RAB28: variants seen among roughly 807,000 people sequenced by gnomAD.
RAB28 encodes RAB28, member RAS oncogene family, also known as ras-related protein Rab-28.
RAB28 carries 24 observed loss-of-function variants against 31.7 expected under a neutral mutation model. The observed-to-expected ratio is 0.76, with a 90% CI of 0.55 to 1.06. RAB28 has a LOEUF of 1.06. Ranked by LOEUF, RAB28 falls within the 50% of genes least tolerant of loss-of-function variation. The probability of loss-of-function intolerance (pLI) is 0.00; values close to 1 mark genes in which losing one functional copy is unlikely to be tolerated. For missense variants in RAB28, 254 were observed against 258.5 expected (o/e 0.98, Z 0.12); for synonymous variants, 100 against 90.4 (o/e 1.11, Z -0.60).
chr4:13,472,733 C>A lies in RAB28; in HGVS notation c.261+1585G>T, dbSNP rs370031417. On this transcript the variant is annotated intron_variant, in intron 3 of 6. Coordinates refer to ENST00000330852, the MANE Select transcript of RAB28 (RefSeq NM_001017979.3). ...GAGTGTTATTTTCCCATGTTATCAA[C>A]CACATGAATGAAACAAGAACTGTGG... 2.0e-5 allele frequency among the ~76,000 whole-genome samples: 3 copies of A among 151,850 alleles called. No individual in the cohort carries two copies. In the South Asian group the frequency reaches 6.2e-4, roughly 31 times the overall value.
At chr4:13,444,114 G>A (rs1322910849) in intron 4 of RAB28, among the ~76,000 whole-genome samples, 1 of 150,336 alleles carries the variant, frequency 6.7e-6, no homozygotes, top group Non-Finnish European at 1.5e-5. Context: ...TGCAAGCTCC[G>A]CCTCCCGGGT....
At chr4:13,464,897 A>G (rs573112718) in intron 3 of RAB28, among the ~76,000 whole-genome samples, 1 of 152,222 alleles carries the variant, frequency 6.6e-6, no homozygotes, top group Non-Finnish European at 1.5e-5. Context: ...ACTATGACTA[A>G]TATGTTGAGG....
chr4:13,470,992 G>A (rs894251471), intron 3 of RAB28, among the ~76,000 whole-genome samples: 5 of 152,086 alleles, frequency 3.3e-5, no homozygotes, highest in African/African-American at 9.7e-5. Context: ...CTTCTACGCA[G>A]ATGTTAAGAA....
chr4:13,426,913 C>T (rs572629148), intron 4 of RAB28, among the ~76,000 whole-genome samples: 1 of 152,100 alleles, frequency 6.6e-6, no homozygotes, highest in Non-Finnish European at 1.5e-5. Flanking sequence ...ATAACATGTA[C>T]TTTAGAGGTT....
At chr4:13,410,922 G>A (rs1274191065) in intron 4 of RAB28, among the ~76,000 whole-genome samples, 2 of 152,014 alleles carry the variant, frequency 1.3e-5, no homozygotes, top group South Asian at 2.1e-4. Context: ...AAAAGAAAGG[G>A]AGAAATAATA....
chr4:13,409,022 T>A (rs1002220457), intron 4 of RAB28, among the ~76,000 whole-genome samples: 5 of 152,234 alleles, frequency 3.3e-5, no homozygotes, highest in Non-Finnish European at 5.9e-5. Flanking sequence ...TAAAATTTAA[T>A]ATTTTGGGAC....
At chr4:13,425,524 C>T (rs932736725) in intron 4 of RAB28, among the ~76,000 whole-genome samples, 1 of 152,060 alleles carries the variant, frequency 6.6e-6, no homozygotes, top group Non-Finnish European at 1.5e-5. Flanking sequence ...ACTCAAGATC[C>T]TACATTAAAG....
At chr4:13,475,808 C>T (rs13110752) in intron 2 of RAB28, among the ~76,000 whole-genome samples, 1 of 151,438 alleles carries the variant, frequency 6.6e-6, no homozygotes, top group Non-Finnish European at 1.5e-5. Context: ...TTGTACAAAT[C>T]GAATTTCTCA....
chr4:13,411,393 A>G (rs146418924), intron 4 of RAB28, among the ~76,000 whole-genome samples: 1 of 152,318 alleles, frequency 6.6e-6, no homozygotes, highest in East Asian at 1.9e-4. Context: ...ATGAAAAAAG[A>G]AGCCAAGGAA....
At chr4:13,455,805 C>G (rs1715272002) in intron 4 of RAB28, among the ~76,000 whole-genome samples, 1 of 152,190 alleles carries the variant, frequency 6.6e-6, no homozygotes, top group South Asian at 2.1e-4. Context: ...TTACCTTTTC[C>G]CCACAAGGGG....
chr4:13,390,268 C>T lies in RAB28; in HGVS notation c.392-8674G>A, dbSNP rs1428597014. Reference sequence around the variant, plus strand: ...AGCATTCCTATACACCAATAACAGACAAACAGAGAGCCAAACCATGAAGGA... The same window carrying T: ...AGCATTCCTATACACCAATAACAGATAAACAGAGAGCCAAACCATGAAGGA... On this transcript the variant is annotated intron_variant, in intron 4 of 6. Coordinates refer to ENST00000330852, the MANE Select transcript of RAB28 (RefSeq NM_001017979.3). Among the ~76,000 whole-genome samples, 4 of 152,060 alleles carry T rather than the reference C, an allele frequency of 2.6e-5. No homozygotes were observed. The East Asian group carries it at 7.7e-4, about 29-fold the overall frequency.
intron 3 of RAB28, among the ~76,000 whole-genome samples, chr4:13,470,045 A>AT (rs1716046148): frequency 1.3e-5 from 2 of 152,064 alleles, no homozygotes; most frequent in Non-Finnish European, 2.9e-5. Flanking sequence ...CAGTCTTGTA[A>AT]AGCATTGCAT....
chr4:13,419,842 C>A (rs1342602558), intron 4 of RAB28, among the ~76,000 whole-genome samples: 1 of 151,830 alleles, frequency 6.6e-6, no homozygotes, highest in Admixed American at 6.6e-5. Flanking sequence ...ATTAAAAGAA[C>A]TAGAGAAGCA....
intron 6 of RAB28, 67 bp downstream of exon 6, chr4:13,376,478 A>C: frequency 8.5e-7 from 1 of 1,182,670 alleles, no homozygotes; most frequent in Non-Finnish European, 1.2e-6. Flanking sequence ...GAAAGAATTT[A>C]TGGGTGAAAA....
chr4:13,474,817 G>A (rs189021827), intron 2 of RAB28, among the ~76,000 whole-genome samples: 16 of 151,628 alleles, frequency 1.1e-4, no homozygotes, highest in Admixed American at 3.9e-4. Flanking sequence ...GAATTCTGTC[G>A]TAGGTTCTAA....
chr4:13,369,384 C>T (rs974205162), intron 6 of RAB28, among the ~76,000 whole-genome samples: 3 of 152,064 alleles, frequency 2.0e-5, no homozygotes, highest in Non-Finnish European at 4.4e-5. Context: ...CAAGGAACAT[C>T]TAAAATGATA....
intron 4 of RAB28, among the ~76,000 whole-genome samples, chr4:13,459,470 GTTAAACAACACATGACTA>G: frequency 6.6e-6 from 1 of 152,214 alleles, no homozygotes; most frequent in East Asian, 1.9e-4. Flanking sequence ...ATATCCTGTT[GTTAAACAACACATGACTA>G]TATTTGAAAA....
At chr4:13,454,644 G>C (rs1237844431) in intron 4 of RAB28, among the ~76,000 whole-genome samples, 1 of 151,960 alleles carries the variant, frequency 6.6e-6, no homozygotes, top group African/African-American at 2.4e-5. Context: ...GGCTGAGAGA[G>C]TATGTGGCAG....
chr4:13,435,538 G>T (rs1343300560), intron 4 of RAB28, among the ~76,000 whole-genome samples: 1 of 152,086 alleles, frequency 6.6e-6, no homozygotes. Context: ...AATGCCAAAG[G>T]TAACATTACA....
Sources: gnomAD v4.1 joint callset for allele counts (sites outside exome capture counted in the v4.1 genomes callset) on GRCh38, gnomAD v4.1.1 for gene constraint, MANE v1.5 for transcripts, NCBI Gene and HGNC (gene_info 2026-07-23, HGNC 2026-07-21) for gene names.